MYO19: variants seen among roughly 807,000 people sequenced by gnomAD.
MYO19 encodes myosin XIX.
A neutral mutation model predicts 129.2 loss-of-function variants in MYO19; 132 were observed. The ratio of observed to expected loss-of-function variants is 1.02; its 90% CI spans 0.89 to 1.18. MYO19 has a LOEUF of 1.18. MYO19 is among the 50% of genes most tolerant of loss of function. MYO19 has a pLI of 0.00. For synonymous variants in MYO19, 531 were observed against 477.2 expected (o/e 1.11, Z -1.47); for missense variants, 1,210 against 1,216.7 (o/e 0.99, Z 0.08).
intron 18 of MYO19, among the ~76,000 whole-genome samples, 200 bp from the exon 19 acceptor site, chr17:36,505,604 T>A (rs998166525): frequency 2.0e-5 from 3 of 152,146 alleles, no homozygotes; most frequent in Non-Finnish European, 4.4e-5. Flanking sequence ...CTTCCCATGC[T>A]CCTCACCTCT....
At chr17:36,523,057 T>C (rs2073244722) in intron 6 of MYO19, among the ~76,000 whole-genome samples, 1 of 138,242 alleles carries the variant, frequency 7.2e-6, no homozygotes, top group South Asian at 2.3e-4. Context: ...TGTGGTGGTA[T>C]GCATCTGTAA....
At chr17:36,537,595 G>A, upstream of MYO19, 1 of 1,614,116 alleles carries the variant, frequency 6.2e-7, no homozygotes, top group Non-Finnish European at 8.5e-7. Flanking sequence ...TATGGGACAG[G>A]AGCAATGGAT....
In MYO19 at chr17:36,498,555, C is replaced by T; in HGVS notation, c.2468G>A (p.Arg823Lys). ...CTCTTTAGCAGCAAGGCAGGCCATT[C>T]TGATCTTAAAAAGCAAATATCCCTT... Reference protein sequence around the residue: ...IKRAWQKWRIRMACLAAKELD... With the variant: ...IKRAWQKWRIKMACLAAKELD... Residue 823 changes from arginine (R) to lysine (K), a missense_variant, in exon 25 of 26, where the codon AGA (arginine) becomes AAA (lysine). Coordinates refer to ENST00000614623, the MANE Select transcript of MYO19 (RefSeq NM_001163735.2). 2 of 1,607,188 alleles carry T rather than the reference C, an allele frequency of 1.2e-6. No homozygotes were observed. Among genetic ancestry groups the T allele is most frequent in the South Asian group, 2.2e-5 (2 of 90,942 alleles).
intron 11 of MYO19, among the ~76,000 whole-genome samples, chr17:36,512,073 AGGCATGGT>A (rs1324798485): frequency 6.6e-6 from 1 of 152,118 alleles, no homozygotes; most frequent in African/African-American, 2.4e-5. Context: ...AGACCCAGCT[AGGCATGGT>A]GGCACACGCT....
intron 25 of MYO19, among the ~76,000 whole-genome samples, chr17:36,496,653 A>C (rs2071007245): frequency 6.6e-6 from 1 of 152,186 alleles, no homozygotes; most frequent in African/African-American, 2.4e-5. Flanking sequence ...GAAGGGCAAA[A>C]CATTTACCCT....
upstream of MYO19, chr17:36,537,943 T>C (rs756764412): frequency 1.2e-6 from 2 of 1,614,120 alleles, no homozygotes; most frequent in South Asian, 2.2e-5. Context: ...TTTACCTCAC[T>C]GAAGAGGTTA....
chr17:36,527,310 AT>A (rs1312239626), intron 5 of MYO19, among the ~76,000 whole-genome samples: 1 of 152,140 alleles, frequency 6.6e-6, no homozygotes, highest in African/African-American at 2.4e-5. Flanking sequence ...TATGTCTCTT[AT>A]TTTAGGTTCC....
At chr17:36,513,150 C>A in intron 11 of MYO19, 1 of 1,399,336 alleles carries the variant, frequency 7.1e-7, no homozygotes, top group Non-Finnish European at 9.2e-7. Context: ...GTTCTCTCTT[C>A]TGATCATGCG....
intron 11 of MYO19, among the ~76,000 whole-genome samples, chr17:36,511,663 C>T (rs377542210): frequency 9.2e-5 from 14 of 152,330 alleles, no homozygotes; most frequent in South Asian, 8.3e-4. Flanking sequence ...GTATGTGCTA[C>T]GCCACTGCCT....
intron 3 of MYO19, 52 bp downstream of exon 3, chr17:36,532,475 A>G: frequency 6.4e-7 from 1 of 1,551,070 alleles, no homozygotes; most frequent in East Asian, 2.4e-5. Context: ...AGGGCTAGCA[A>G]CAGATGCTGC....
chr17:36,536,957 A>G, upstream of MYO19: 4 of 679,646 alleles, frequency 5.9e-6, no homozygotes, highest in Non-Finnish European at 9.8e-6. Context: ...AAGGGGAATC[A>G]CAAATCCTAG....
At chr17:36,538,420 TAATC>T (rs2074173475), upstream of MYO19, 2 of 1,614,168 alleles carry the variant, frequency 1.2e-6, no homozygotes, top group Non-Finnish European at 1.7e-6. Context: ...AGTCTTTGTT[TAATC>T]ACAGCTCTAA....
chr17:36,515,747 T>C, intron 7 of MYO19, 111 bp downstream of exon 7: 1 of 1,236,426 alleles, frequency 8.1e-7, no homozygotes, highest in Non-Finnish European at 1.1e-6. Context: ...GATACACTCA[T>C]CCTCCACCCC....
chr17:36,504,245 G>A (rs1034174717), intron 19 of MYO19: 1 of 498,038 alleles, frequency 2.0e-6, no homozygotes, highest in Non-Finnish European at 3.5e-6. Flanking sequence ...CCCCTCATCC[G>A]ACGCATGGCT....
At chr17:36,507,730 C>A in intron 15 of MYO19, 73 bp downstream of exon 15, 3 of 1,486,784 alleles carry the variant, frequency 2.0e-6, no homozygotes, top group Non-Finnish European at 2.7e-6. Flanking sequence ...AGAACCTGGA[C>A]TGGGGCTGGA....
At chr17:36,506,143 G>A (rs2071868187) in intron 18 of MYO19, among the ~76,000 whole-genome samples, 1 of 152,146 alleles carries the variant, frequency 6.6e-6, no homozygotes, top group Non-Finnish European at 1.5e-5. Flanking sequence ...AAGCTAGACA[G>A]CTGGAGATGA....
At chr17:36,501,463 G>A (rs900557709) in intron 21 of MYO19, 4 of 489,494 alleles carry the variant, frequency 8.2e-6, no homozygotes, top group Non-Finnish European at 1.4e-5. Context: ...ACTTGCGCCT[G>A]TGTGTCCTGG....
chr17:36,511,492 G>C, intron 11 of MYO19, 37 bp from the exon 12 acceptor site: 1 of 1,535,848 alleles, frequency 6.5e-7, no homozygotes, highest in Non-Finnish European at 8.8e-7. Context: ...AGTAGGAGAG[G>C]GCGTGACGTG....
upstream of MYO19, chr17:36,538,464 T>C: frequency 6.2e-7 from 1 of 1,614,162 alleles, no homozygotes; most frequent in Non-Finnish European, 8.5e-7. Context: ...TTTCTTGCTG[T>C]CAAATATAAC....
Sources: gnomAD v4.1 joint callset for allele counts (sites outside exome capture counted in the v4.1 genomes callset) on GRCh38, gnomAD v4.1.1 for gene constraint, MANE v1.5 for transcripts, NCBI Gene and HGNC (gene_info 2026-07-23, HGNC 2026-07-21) for gene names.